DNAI2: variants seen among roughly 807,000 people sequenced by gnomAD.
DNAI2 encodes the protein dynein, axonemal, intermediate polypeptide 2.
Under a neutral mutation model 74.7 loss-of-function variants are expected in DNAI2, and 63 were observed. The observed-to-expected ratio is 0.84, with a 90% CI of 0.69 to 1.04. The LOEUF (loss-of-function observed/expected upper bound fraction) is 1.04, where lower values mean the gene tolerates loss of function less well. DNAI2 is among the 50% of genes least tolerant of loss of function. DNAI2 has a pLI of 0.00. For synonymous variants in DNAI2, 289 were observed against 314.9 expected, an observed-to-expected ratio of 0.92 and a Z score of 0.87; for missense variants, 688 against 803.2, an observed-to-expected ratio of 0.86 and a Z score of 1.73.
At chr17:74,309,695 G>C (rs2053402455) in intron 10 of DNAI2, 4 of 644,502 alleles carry the variant, frequency 6.2e-6, no homozygotes, top group Admixed American at 4.4e-5. Context: ...AGAGCCCCTG[G>C]GGTTTGGCTG....
At chr17:74,302,646 T>TA (rs1250308551) in intron 8 of DNAI2, among the ~76,000 whole-genome samples, 2 of 152,214 alleles carry the variant, frequency 1.3e-5, no homozygotes, top group African/African-American at 4.8e-5. Flanking sequence ...GGAAGCTTCC[T>TA]AGAAGCAGTA....
In DNAI2 at chr17:74,314,172, G is replaced by T. The variant is rs2053694702; in HGVS notation, c.1774G>T (p.Ala592Ser). The T allele has an allele frequency of 5.6e-6, 9 of 1,614,250 alleles. No homozygotes were observed. In the East Asian group the frequency reaches 2.0e-4, roughly 36 times the overall value. ...GGTGGTGGAGGAGGGAGAGGAAGCAGCGGGGGAAGAAGGGGATGAAGAAGT... is the reference window on the plus strand; with the variant it reads ...GGTGGTGGAGGAGGGAGAGGAAGCATCGGGGGAAGAAGGGGATGAAGAAGT... ...DQVVEEGEEA[A>S]GEEGDEEVEE... The change falls in exon 13 of 14, where the codon GCG (alanine) becomes TCG (serine). Residue 592 changes from alanine (A) to serine (S), a missense_variant. Transcript: ENST00000311014.
At position 74,283,110 on chromosome 17, in the gene DNAI2, T is replaced by A. The variant is rs1171960367; in HGVS notation, c.183+1110T>A. Among the ~76,000 whole-genome samples the A allele has an allele frequency of 5.3e-5, 8 of 152,298 alleles. No homozygotes were observed. The East Asian group carries it at 1.5e-3, about 29-fold the overall frequency. The stretch of plus-strand genomic sequence containing the variant: ...CTATGGTGCTGATCCAGATTTTACC[T>A]TTTGTGAGAGCTGGCTTAAAAATGG... On this transcript the variant is annotated intron_variant, in intron 2 of 13. Coordinates refer to ENST00000311014, the MANE Select transcript of DNAI2 (RefSeq NM_023036.6).
At chr17:74,289,999 G>A (rs1224961100) in intron 5 of DNAI2, among the ~76,000 whole-genome samples, 1 of 152,136 alleles carries the variant, frequency 6.6e-6, no homozygotes, top group Admixed American at 6.5e-5. Flanking sequence ...CTGACCCCAT[G>A]GGATCTCAAT....
chr17:74,297,220 G>A lies in DNAI2; in HGVS notation c.725-2498G>A, dbSNP rs577022294. 3.7e-3 allele frequency among the ~76,000 whole-genome samples: 555 copies of A among 151,958 alleles called. 8 individuals are homozygous for A. Among genetic ancestry groups the A allele is most frequent in the African/African-American group, 0.013 (522 of 41,480 alleles). ...CCTGCCTCAGCCTCCCGAGTAGCTGGGACTACAGGTGCCCGCCACCACGCC... is the reference window on the plus strand; with the variant it reads ...CCTGCCTCAGCCTCCCGAGTAGCTGAGACTACAGGTGCCCGCCACCACGCC... On this transcript the variant is annotated intron_variant, in intron 6 of 13. Transcript: ENST00000311014.
intron 6 of DNAI2, among the ~76,000 whole-genome samples, chr17:74,297,276 T>G (rs2052502201): frequency 6.6e-6 from 1 of 151,336 alleles, no homozygotes; most frequent in Non-Finnish European, 1.5e-5. Context: ...TTTTTTTTAG[T>G]AGAGACGGGG....
At chr17:74,298,599 G>T (rs924466738) in intron 6 of DNAI2, among the ~76,000 whole-genome samples, 4 of 152,026 alleles carry the variant, frequency 2.6e-5, no homozygotes, top group African/African-American at 9.7e-5. Context: ...GAGCCACCAG[G>T]CCTGGCCTAT....
At position 74,281,990 on chromosome 17, in the gene DNAI2, C is replaced by G; in HGVS notation, c.173C>G (p.Ser58Trp). 6.2e-7 allele frequency: 1 copy of G among 1,614,038 alleles called. No homozygotes were observed. Among genetic ancestry groups the G allele is most frequent in the Non-Finnish European group, 8.5e-7 (1 of 1,179,998 alleles). Residue 58 changes from serine to tryptophan, a missense_variant, in exon 2 of 14, where the codon TCG becomes TGG. Coordinates refer to ENST00000311014, the MANE Select transcript of DNAI2 (RefSeq NM_023036.6). ...DTGIQCSISMSEHEANSERFE... is the reference protein window; with the variant it reads ...DTGIQCSISMWEHEANSERFE... ...GGCATCCAGTGCTCGATCAGCATGT[C>G]GGAACACGAGGTGGGTCCCTGCCCC... is the stretch of plus-strand genomic sequence containing the variant.
chr17:74,275,588 G>A (rs7215726), intron 1 of DNAI2, among the ~76,000 whole-genome samples: 44,006 of 152,002 alleles, frequency 0.29, 7,679 homozygotes, highest in East Asian at 0.78. Context: ...CTGGCCGGGT[G>A]CAGTGGCTCA....
chr17:74,280,513 C>T (rs1359993483), intron 1 of DNAI2, among the ~76,000 whole-genome samples: 1 of 152,230 alleles, frequency 6.6e-6, no homozygotes, highest in Non-Finnish European at 1.5e-5. Flanking sequence ...GGCTTTCTCT[C>T]TGTCTGGGAT....
rs2053433903 is a variant in DNAI2, at chr17:74,310,182, G to A, written c.1494+19G>A. On this transcript the variant is annotated intron_variant, in intron 11 of 13. Transcript: ENST00000311014. ...CTCTTCCGTAAGCACCGGGTGCCTG[G>A]GGAAAATCCCTCCAGCACGTCCCGA... The A allele has an allele frequency of 6.2e-7, 1 of 1,612,368 alleles. No individual in the cohort carries two copies. The highest frequency in any genetic ancestry group is 1.7e-5 in the Admixed American group (1 of 59,962).
intron 11 of DNAI2, 142 bp from the exon 12 acceptor site, chr17:74,311,861 G>A (rs2053546077): frequency 1.2e-6 from 1 of 804,650 alleles, no homozygotes; most frequent in African/African-American, 1.7e-5. Context: ...CTTGACACCA[G>A]CCCTGGGTAC....
At chr17:74,299,439 T>C (rs553893886) in intron 6 of DNAI2, among the ~76,000 whole-genome samples, 19 of 152,272 alleles carry the variant, frequency 1.2e-4, no homozygotes, top group Admixed American at 5.2e-4. Flanking sequence ...CCACTATGCC[T>C]GTCCTATCCC....
chr17:74,311,113 A>G (rs757304123), intron 11 of DNAI2, among the ~76,000 whole-genome samples: 2 of 151,984 alleles, frequency 1.3e-5, no homozygotes, highest in Non-Finnish European at 2.9e-5. Flanking sequence ...GGCTCAAGCA[A>G]TCCTTCCACC....
rs1052306329 is a variant in DNAI2, at chr17:74,281,810, C to T, written c.-8C>T. ...ACACCCTCCCTCTGCCCCCCAGCAG[C>T]CGGCACCATGGAGATTGTGTACGTG... On this transcript the variant is annotated 5_prime_UTR_variant, in exon 2 of 14. Transcript: ENST00000311014. 6.2e-7 allele frequency: 1 copy of T among 1,613,568 alleles called. No homozygotes were observed. Among genetic ancestry groups the T allele is most frequent in the Non-Finnish European group, 8.5e-7 (1 of 1,180,000 alleles).
At chr17:74,284,659 G>T (rs1262249356) in intron 2 of DNAI2, among the ~76,000 whole-genome samples, 2 of 152,098 alleles carry the variant, frequency 1.3e-5, no homozygotes, top group Non-Finnish European at 2.9e-5. Context: ...TGATCTGCTC[G>T]CCTCGGCCTC....
chr17:74,305,216 C>G lies in DNAI2; in HGVS notation c.988-3C>G, dbSNP rs1375207567. The G allele has an allele frequency of 6.2e-7, 1 of 1,614,114 alleles. No homozygotes were observed. Among genetic ancestry groups the G allele is most frequent in the South Asian group, 1.1e-5 (1 of 91,084 alleles). ...TTCCCCTCCTGTGTCACTCCTTCCA[C>G]AGCCCACCAAGTTCATGGTGGGGAC... is the stretch of plus-strand genomic sequence containing the variant. On this transcript the variant is annotated splice_region_variant and splice_polypyrimidine_tract_variant and intron_variant, in intron 8 of 13. Transcript: ENST00000311014.
intron 1 of DNAI2, among the ~76,000 whole-genome samples, chr17:74,276,556 T>C (rs955810466): frequency 1.3e-5 from 2 of 152,222 alleles, no homozygotes; most frequent in Non-Finnish European, 2.9e-5. Context: ...GCTATTCATC[T>C]GTGTGCCCTG....
chr17:74,297,795 C>A (rs2052536241), intron 6 of DNAI2, among the ~76,000 whole-genome samples: 1 of 152,008 alleles, frequency 6.6e-6, no homozygotes, highest in South Asian at 2.1e-4. Context: ...GCCAGACACC[C>A]AACCCATGAC....
Sources: gnomAD v4.1 joint callset for allele counts (sites outside exome capture counted in the v4.1 genomes callset) on GRCh38, gnomAD v4.1.1 for gene constraint, MANE v1.5 for transcripts, NCBI Gene and HGNC (gene_info 2026-07-23, HGNC 2026-07-21) for gene names.